The following GABRG3 variants were observed in gnomAD, a reference collection of about 807,000 sequenced individuals.
GABRG3 encodes the protein gamma-aminobutyric acid type A receptor subunit gamma3.
A neutral mutation model predicts 48.8 loss-of-function variants in GABRG3; 25 were observed. That is an observed-to-expected ratio of 0.51 (90% confidence interval 0.37 to 0.72). The LOEUF (loss-of-function observed/expected upper bound fraction) is 0.72. GABRG3 is among the 30% of genes least tolerant of loss of function. GABRG3 has a pLI of 0.00. For synonymous variants in GABRG3, 227 were observed against 217.6 expected (o/e 1.04, Z -0.38); for missense variants, 394 against 577.9 (o/e 0.68, Z 3.26).
chr15:27,478,038 C>G (rs572646158), intron 5 of GABRG3, among the ~76,000 whole-genome samples: 89 of 146,314 alleles, frequency 6.1e-4, no homozygotes, highest in African/African-American at 2.1e-3. Context: ...CAGAGGGAGA[C>G]TCCATGTCAC....
At chr15:27,384,314 C>A (rs1292750748) in intron 5 of GABRG3, among the ~76,000 whole-genome samples, 3 of 152,134 alleles carry the variant, frequency 2.0e-5, no homozygotes, top group Admixed American at 2.0e-4. Flanking sequence ...GGAAAAAATT[C>A]TCAGAACATT....
chr15:27,344,721 T>A (rs566128772), intron 5 of GABRG3, among the ~76,000 whole-genome samples: 51 of 151,920 alleles, frequency 3.4e-4, no homozygotes, highest in African/African-American at 1.2e-3. Flanking sequence ...ACCATTTTTT[T>A]AATTTAAATT....
At chr15:27,135,476 G>T (rs1309697247) in intron 3 of GABRG3, among the ~76,000 whole-genome samples, 1 of 152,202 alleles carries the variant, frequency 6.6e-6, no homozygotes, top group Non-Finnish European at 1.5e-5. Flanking sequence ...CCACTATCCA[G>T]TACTTAGTGT....
intron 5 of GABRG3, among the ~76,000 whole-genome samples, chr15:27,380,776 T>A (rs1304480075): frequency 6.7e-6 from 1 of 150,282 alleles, no homozygotes; most frequent in Non-Finnish European, 1.5e-5. Flanking sequence ...TTTTTTTTTT[T>A]TTTTTGAGAC....
At chr15:27,313,262 G>GTATATATATATATATATATA (rs1169926074) in intron 3 of GABRG3, among the ~76,000 whole-genome samples, 1 of 34,560 alleles carries the variant, frequency 2.9e-5, no homozygotes, top group African/African-American at 9.0e-5. Context: ...GTGTGTGTGT[G>GTATATATATATATATATATA]TATATATATA....
intron 3 of GABRG3, among the ~76,000 whole-genome samples, chr15:27,187,560 G>A (rs1177430307): frequency 6.6e-6 from 1 of 151,988 alleles, no homozygotes; most frequent in Non-Finnish European, 1.5e-5. Context: ...TTGTCCATTT[G>A]TTTGCATCAT....
chr15:27,301,956 T>C lies in GABRG3; in HGVS notation c.271-24853T>C, dbSNP rs115609765. Among the ~76,000 whole-genome samples the C allele has an allele frequency of 1.9e-3, 282 of 152,180 alleles. 1 individual carries two copies. Among genetic ancestry groups the C allele is most frequent in the African/African-American group, 6.5e-3 (270 of 41,542 alleles). ...GGAAAGAGCTGCCAATCTAGACTTC[T>C]ACATTCAGTAAGAATATCCTTCAGG... is the stretch of plus-strand genomic sequence containing the variant. On this transcript the variant is annotated intron_variant, in intron 3 of 9. Transcript: ENST00000615808.
rs1200220856 is a variant in GABRG3 at position 27,308,207 on chromosome 15, TCC to T, written c.271-18601_271-18600del. Among the ~76,000 whole-genome samples, 12 of 55,002 alleles carry T rather than the reference TCC, an allele frequency of 2.2e-4. 4 individuals are homozygous for T. The highest frequency in any genetic ancestry group is 5.2e-4 in the African/African-American group (7 of 13,544). 36.1% of individuals were successfully genotyped at this position (55,002 alleles called of 152,430 possible). On this transcript the variant is annotated intron_variant, in intron 3 of 9. Coordinates refer to ENST00000615808, the MANE Select transcript of GABRG3 (RefSeq NM_033223.5). Reference sequence around the variant, plus strand: ...AAACATATATAAACATGTTTATATATCCAAACATATATAAACATGTTTATATA... The same window carrying T: ...AAACATATATAAACATGTTTATATATAAACATATATAAACATGTTTATATA...
chr15:27,318,266 C>T (rs947498635), intron 3 of GABRG3, among the ~76,000 whole-genome samples: 10 of 152,132 alleles, frequency 6.6e-5, no homozygotes, highest in Admixed American at 2.6e-4. Context: ...AGGAAAGCCA[C>T]GTCATTTTTT....
chr15:26,986,028 G>A (rs1895145184), intron 2 of GABRG3, among the ~76,000 whole-genome samples: 1 of 152,082 alleles, frequency 6.6e-6, no homozygotes, highest in Admixed American at 6.6e-5. Context: ...GTGGCTGCCT[G>A]CCGGACCACC....
intron 3 of GABRG3, among the ~76,000 whole-genome samples, chr15:27,137,249 C>T (rs568873665): frequency 1.1e-4 from 17 of 152,194 alleles, no homozygotes; most frequent in Admixed American, 2.6e-4. Context: ...GCTCTCTTTG[C>T]ATCTCTCTCC....
chr15:27,099,706 T>A (rs1323571653), intron 3 of GABRG3, among the ~76,000 whole-genome samples: 1 of 115,438 alleles, frequency 8.7e-6, no homozygotes, highest in African/African-American at 4.0e-5. Context: ...CTAAAAACAT[T>A]ATGAATAAAA....
At chr15:27,172,064 G>C (rs537896658) in intron 3 of GABRG3, among the ~76,000 whole-genome samples, 9 of 152,238 alleles carry the variant, frequency 5.9e-5, no homozygotes, top group East Asian at 1.9e-4. Flanking sequence ...CCTGTTCCAT[G>C]ATCATGGCAT....
At position 27,308,301 on chromosome 15, in the gene GABRG3, CATAT is replaced by C. The variant is rs1331210383; in HGVS notation, c.271-18506_271-18503del. ...TAAACATACGTTTATATATAAACAT[CATAT>C]AAACATATATAAACATACGTTTATA... On this transcript the variant is annotated intron_variant, in intron 3 of 9. Transcript: ENST00000615808. 3.3e-4 allele frequency among the ~76,000 whole-genome samples: 35 copies of C among 106,858 alleles called. 1 individual carries two copies. The highest frequency in any genetic ancestry group is 1.2e-3 in the African/African-American group (19 of 16,302). The allele number at this position is 106,858 out of a possible 152,430, so 70.1% of individuals were successfully genotyped here.
chr15:27,417,815 G>A (rs891114266), intron 5 of GABRG3, among the ~76,000 whole-genome samples: 3 of 152,172 alleles, frequency 2.0e-5, no homozygotes, highest in African/African-American at 4.8e-5. Context: ...ACTGATATGC[G>A]GTAGCTGGTG....
intron 3 of GABRG3, among the ~76,000 whole-genome samples, chr15:27,278,874 G>GT (rs1322356435): frequency 1.3e-5 from 2 of 152,094 alleles, no homozygotes; most frequent in African/African-American, 2.4e-5. Context: ...GTTTTGTTTT[G>GT]TTTTTTGCAG....
At chr15:27,315,071 T>TA (rs753695014) in intron 3 of GABRG3, among the ~76,000 whole-genome samples, 14 of 152,200 alleles carry the variant, frequency 9.2e-5, no homozygotes, top group Admixed American at 3.3e-4. Flanking sequence ...TAAGTGTACT[T>TA]ACCGCAGTAA....
rs1029873795 is a variant in GABRG3 at position 26,975,960 on chromosome 15, C to T, written c.54-1042C>T. 2.0e-5 allele frequency among the ~76,000 whole-genome samples: 3 copies of T among 152,164 alleles called. No individual in the cohort carries two copies. Among genetic ancestry groups the T allele is most frequent in the Non-Finnish European group, 4.4e-5 (3 of 68,044 alleles). ...CTTGCTGGGGTCAATGGTAGTCTGCCTGGAAATGCTGCTTTAAGGCAGAAA... is the reference window on the plus strand; with the variant it reads ...CTTGCTGGGGTCAATGGTAGTCTGCTTGGAAATGCTGCTTTAAGGCAGAAA... On this transcript the variant is annotated intron_variant, in intron 1 of 9. Coordinates refer to ENST00000615808, the MANE Select transcript of GABRG3 (RefSeq NM_033223.5). This position sits in a 1 kb window ranked among gnomAD's most constrained non-coding sequence, Gnocchi z 4.6.
At chr15:27,268,994 A>AT (rs1253198162) in intron 3 of GABRG3, among the ~76,000 whole-genome samples, 1 of 151,980 alleles carries the variant, frequency 6.6e-6, no homozygotes, top group African/African-American at 2.4e-5. Context: ...TGTCTTGCAA[A>AT]TCTCTTGTTT....
Sources: allele counts gnomAD v4.1 joint callset (sites outside exome capture counted in the v4.1 genomes callset), GRCh38; gene constraint gnomAD v4.1.1; non-coding constraint Gnocchi (gnomAD v3.1); transcripts MANE v1.5; gene names NCBI Gene and HGNC (gene_info 2026-07-23, HGNC 2026-07-21).